The following RMND1 variants were observed in gnomAD, a reference collection of about 807,000 sequenced individuals.
The protein encoded by RMND1 is required for meiotic nuclear division protein 1 homolog.
RMND1 carries 41 observed loss-of-function variants against 54.0 expected under a neutral mutation model. The observed-to-expected ratio is 0.76, with a 90% confidence interval of 0.59 to 0.98. The LOEUF (loss-of-function observed/expected upper bound fraction) is 0.98, where lower values mean the gene tolerates loss of function less well. RMND1 is among the 50% of genes least tolerant of loss of function. The pLI, the probability that RMND1 is intolerant of heterozygous loss-of-function variation, is 0.00. For missense variants in RMND1, 457 were observed against 532.0 expected (o/e 0.86, Z 1.39); for synonymous variants, 183 against 181.7 (o/e 1.01, Z -0.06).
intron 1 of RMND1, among the ~76,000 whole-genome samples, chr6:151,451,574 T>C (rs1781199031): frequency 6.6e-6 from 1 of 152,170 alleles, no homozygotes; most frequent in Admixed American, 6.5e-5. Context: ...TTTTTTCCTA[T>C]TATATCTCCT....
At chr6:151,439,912 G>A (rs1047303857) in intron 2 of RMND1, among the ~76,000 whole-genome samples, 1 of 151,854 alleles carries the variant, frequency 6.6e-6, no homozygotes, top group Non-Finnish European at 1.5e-5. Context: ...CTCCCGCCTC[G>A]GCCTCCCACA....
intron 10 of RMND1, among the ~76,000 whole-genome samples, chr6:151,414,692 G>A (rs2114924995): frequency 6.6e-6 from 1 of 152,112 alleles, no homozygotes; most frequent in East Asian, 1.9e-4. Flanking sequence ...ATGTAACAGA[G>A]GAAGGAATCA....
At chr6:151,448,964 T>C (rs535853354) in intron 1 of RMND1, among the ~76,000 whole-genome samples, 140 of 147,580 alleles carry the variant, frequency 9.5e-4, no homozygotes, top group Middle Eastern at 3.6e-3. Flanking sequence ...ATAATCCCAG[T>C]TACTTGGGAG....
intron 6 of RMND1, among the ~76,000 whole-genome samples, chr6:151,425,960 T>C (rs1439535890): frequency 6.6e-6 from 1 of 151,658 alleles, no homozygotes; most frequent in Non-Finnish European, 1.5e-5. Flanking sequence ...TTTTTTTTTT[T>C]TGAGACAGAG....
intron 4 of RMND1, among the ~76,000 whole-genome samples, chr6:151,432,772 A>G (rs1241360294): frequency 6.6e-6 from 1 of 152,072 alleles, no homozygotes; most frequent in African/African-American, 2.4e-5. Flanking sequence ...AAGGGAGAAA[A>G]AAAAGAAAAT....
intron 9 of RMND1, among the ~76,000 whole-genome samples, chr6:151,419,027 C>T (rs375330701): frequency 6.6e-6 from 1 of 151,686 alleles, no homozygotes; most frequent in East Asian, 1.9e-4. Context: ...GCCTCGGCCT[C>T]CCAAAGTGTT....
intron 6 of RMND1, among the ~76,000 whole-genome samples, chr6:151,426,540 A>G (rs573007991): frequency 1.9e-4 from 29 of 151,872 alleles, no homozygotes; most frequent in Non-Finnish European, 3.5e-4. Context: ...CCCAAAATCA[A>G]TAGGAAAAAA....
At chr6:151,431,601 C>T (rs1044510054) in intron 4 of RMND1, among the ~76,000 whole-genome samples, 4 of 152,010 alleles carry the variant, frequency 2.6e-5, no homozygotes, top group Admixed American at 1.3e-4. Context: ...ATGCACTGTG[C>T]TGTGCAATGT....
intron 10 of RMND1, among the ~76,000 whole-genome samples, chr6:151,410,852 C>T (rs1031056115): frequency 1.3e-5 from 2 of 152,172 alleles, no homozygotes; most frequent in East Asian, 3.8e-4. Flanking sequence ...GATAAACTCA[C>T]TTATTCTGGT....
chr6:151,423,778 G>A, intron 6 of RMND1, 147 bp from the exon 7 acceptor site: 1 of 626,832 alleles, frequency 1.6e-6, no homozygotes, highest in Non-Finnish European at 2.9e-6. Flanking sequence ...CTTTGGTCCA[G>A]GTAATTCCCT....
At chr6:151,426,160 GC>G (rs1780291769) in intron 6 of RMND1, among the ~76,000 whole-genome samples, 1 of 152,110 alleles carries the variant, frequency 6.6e-6, no homozygotes, top group Admixed American at 6.6e-5. Flanking sequence ...TGTTGGCCAA[GC>G]TGTCTTGAAC....
In RMND1 at chr6:151,445,353, G is replaced by A. The variant is rs200566317; in HGVS notation, c.459C>T (p.Thr153=). 5.5e-5 allele frequency: 88 copies of A among 1,613,684 alleles called. 1 individual carries two copies. The East Asian group carries it at 1.9e-3, about 36-fold the overall frequency. ...GAAGGTTGGTCCTGGATGGCTGTCT[G>A]GTCCTGGATGCTTTTAGTGGTCTCT... is the stretch of plus-strand genomic sequence containing the variant. ...QVKRPLKASR[T]RQPSRTNLPV... is the part of the protein sequence containing the mutation. The change falls in exon 2 of 12, where the codon ACC becomes ACT. Residue 153 remains threonine, a synonymous_variant. Transcript: ENST00000444024.
At position 151,436,558 on chromosome 6, in the gene RMND1, T is replaced by C. The variant is rs1296366964; in HGVS notation, c.505-4A>G. The stretch of plus-strand genomic sequence containing the variant: ...ATGCTGTGCAGTGCATTAGGTCCTG[T>C]TCCAGGGAAATGAGCATAACATGGG... On this transcript the variant is annotated splice_region_variant and splice_polypyrimidine_tract_variant and intron_variant, in intron 2 of 11. Transcript: ENST00000444024. 1.2e-6 allele frequency: 2 copies of C among 1,613,484 alleles called. No homozygotes were observed. The highest frequency in any genetic ancestry group is 1.7e-5 in the Admixed American group (1 of 60,004).
At chr6:151,450,137 C>T (rs1457120683) in intron 1 of RMND1, among the ~76,000 whole-genome samples, 6 of 122,172 alleles carry the variant, frequency 4.9e-5, no homozygotes, top group African/African-American at 1.6e-4. Flanking sequence ...CGTCTCTGCC[C>T]GGCCGCCATC....
chr6:151,420,590 G>C (rs1313547291), intron 9 of RMND1: 1 of 152,164 alleles, frequency 6.6e-6, no homozygotes, highest in Non-Finnish European at 1.5e-5. Flanking sequence ...TCAGTTTTTA[G>C]ACATAGTTAT....
chr6:151,407,645 T>C (rs1779672556), intron 10 of RMND1, among the ~76,000 whole-genome samples: 1 of 152,134 alleles, frequency 6.6e-6, no homozygotes, highest in African/African-American at 2.4e-5. Context: ...CAGTGGCTCT[T>C]GCCTATAATC....
intron 6 of RMND1, 56 bp from the exon 7 acceptor site, chr6:151,423,687 C>T (rs1378901758): frequency 1.6e-6 from 2 of 1,228,888 alleles, no homozygotes; most frequent in Admixed American, 1.7e-5. Flanking sequence ...TTTAACTTTT[C>T]CTTTGAAAAA....
chr6:151,427,997 T>A (rs986606370), intron 5 of RMND1, among the ~76,000 whole-genome samples: 1 of 152,076 alleles, frequency 6.6e-6, no homozygotes, highest in Non-Finnish European at 1.5e-5. Flanking sequence ...AAAAATTATC[T>A]GGGTGTGGTG....
At chr6:151,438,275 A>G (rs1780670156) in intron 2 of RMND1, among the ~76,000 whole-genome samples, 1 of 152,194 alleles carries the variant, frequency 6.6e-6, no homozygotes, top group South Asian at 2.1e-4. Flanking sequence ...GGTAGGCTCC[A>G]CTCTGCAAGA....
Sources: gnomAD v4.1 joint callset for allele counts (sites outside exome capture counted in the v4.1 genomes callset) on GRCh38, gnomAD v4.1.1 for gene constraint, MANE v1.5 for transcripts, NCBI Gene and HGNC (gene_info 2026-07-23, HGNC 2026-07-21) for gene names.